PRORP: variants seen among roughly 807,000 people sequenced by gnomAD.
PRORP encodes the protein mitochondrial ribonuclease P catalytic subunit.
In PRORP, 51 loss-of-function variants were observed where a neutral mutation model predicts 59.4. The observed-to-expected ratio is 0.86, with a 90% confidence interval of 0.69 to 1.08. The LOEUF (loss-of-function observed/expected upper bound fraction) is 1.08, where lower values mean the gene tolerates loss of function less well. Ranked by LOEUF, PRORP falls within the 50% of genes least tolerant of loss-of-function variation. The pLI is 0.00. For missense variants in PRORP, 646 were observed against 690.3 expected, an observed-to-expected ratio of 0.94 and a Z score of 0.72; for synonymous variants, 231 against 245.6, an observed-to-expected ratio of 0.94 and a Z score of 0.55.
intron 5 of PRORP, among the ~76,000 whole-genome samples, chr14:35,223,665 T>A (rs1360536814): frequency 1.3e-5 from 2 of 152,062 alleles, no homozygotes; most frequent in African/African-American, 4.8e-5. Flanking sequence ...TTCACTGTGT[T>A]AGCCAGGATG....
chr14:35,195,491 G>T (rs1595284799), intron 5 of PRORP, among the ~76,000 whole-genome samples: 1 of 152,016 alleles, frequency 6.6e-6, no homozygotes, highest in African/African-American at 2.4e-5. Context: ...AAAAAGCCTG[G>T]AAGTAGAAAT....
upstream of PRORP, chr14:35,122,174 A>G (rs2046930510): frequency 1.8e-6 from 1 of 568,658 alleles, no homozygotes; most frequent in East Asian, 2.9e-5. Context: ...GGAAAAAACT[A>G]TGAAAGAGAT....
chr14:35,204,812 A>G (rs1186693162), intron 5 of PRORP, among the ~76,000 whole-genome samples: 3 of 152,222 alleles, frequency 2.0e-5, no homozygotes, highest in African/African-American at 7.2e-5. Flanking sequence ...TTAAGCCTTT[A>G]TGGTATTTCC....
intron 5 of PRORP, among the ~76,000 whole-genome samples, chr14:35,241,849 C>T (rs575844363): frequency 2.0e-5 from 3 of 152,256 alleles, no homozygotes; most frequent in African/African-American, 4.8e-5. Flanking sequence ...ATTCTTTAAT[C>T]TAGAAGATTA....
At chr14:35,263,095 G>A (rs1306779594) in intron 5 of PRORP, 1 of 1,196,762 alleles carries the variant, frequency 8.4e-7, no homozygotes, top group Non-Finnish European at 1.2e-6. Context: ...AGACCTATTT[G>A]TGATGTTTAA....
At chr14:35,215,659 G>A (rs1325576521) in intron 5 of PRORP, among the ~76,000 whole-genome samples, 1 of 152,224 alleles carries the variant, frequency 6.6e-6, no homozygotes, top group East Asian at 1.9e-4. Flanking sequence ...TGGCTTGGAG[G>A]CGGAAGGATT....
intron 4 of PRORP, among the ~76,000 whole-genome samples, chr14:35,172,140 C>T (rs532929596): frequency 6.6e-6 from 1 of 151,690 alleles, no homozygotes; most frequent in South Asian, 2.1e-4. Context: ...CCTTCGCCTC[C>T]CAGGTTCAAG....
At chr14:35,238,002 A>G (rs1222375982) in intron 5 of PRORP, among the ~76,000 whole-genome samples, 1 of 152,082 alleles carries the variant, frequency 6.6e-6, no homozygotes, top group Non-Finnish European at 1.5e-5. Flanking sequence ...TCAAACAAAC[A>G]AAACTCTAAA....
intron 4 of PRORP, among the ~76,000 whole-genome samples, chr14:35,157,275 A>T (rs1286399310): frequency 6.6e-6 from 1 of 151,936 alleles, no homozygotes; most frequent in Non-Finnish European, 1.5e-5. Flanking sequence ...TTCAAAATAT[A>T]CTTAGGAGCC....
At chr14:35,218,460 AAAAAAAG>A (rs2049668134) in intron 5 of PRORP, among the ~76,000 whole-genome samples, 1 of 21,664 alleles carries the variant, frequency 4.6e-5, no homozygotes, top group African/African-American at 1.6e-4. Flanking sequence ...GATCCTGTCT[AAAAAAAG>A]AAAAAAAAAA....
intron 5 of PRORP, among the ~76,000 whole-genome samples, chr14:35,218,397 G>T (rs539805324): frequency 7.2e-6 from 1 of 138,572 alleles, no homozygotes; most frequent in South Asian, 2.4e-4. Context: ...GGAGGTCAAG[G>T]CTGCAGTAAG....
chr14:35,200,610 C>T (rs1414728703), intron 5 of PRORP, among the ~76,000 whole-genome samples: 1 of 151,492 alleles, frequency 6.6e-6, no homozygotes, highest in Non-Finnish European at 1.5e-5. Context: ...AATAATTCTT[C>T]AGGAATAATT....
chr14:35,250,093 C>T (rs1467468183), intron 5 of PRORP, among the ~76,000 whole-genome samples: 1 of 151,850 alleles, frequency 6.6e-6, no homozygotes, highest in Non-Finnish European at 1.5e-5. Context: ...ATAAAAAATA[C>T]AAAAAATAGC....
At chr14:35,256,484 A>T (rs1341638884) in intron 5 of PRORP, among the ~76,000 whole-genome samples, 1 of 150,778 alleles carries the variant, frequency 6.6e-6, no homozygotes, top group Non-Finnish European at 1.5e-5. Context: ...GGCGCCTGCC[A>T]CCACGCCCAA....
In PRORP at chr14:35,270,427, A is replaced by G. The variant is rs890706900; in HGVS notation, c.1451A>G (p.Tyr484Cys). 1.7e-5 allele frequency: 27 copies of G among 1,613,914 alleles called. No individual in the cohort carries two copies. The highest frequency in any genetic ancestry group is 2.1e-5 in the Non-Finnish European group (25 of 1,180,026). ...TCGGAGGATGATCCATTCCTTCTGTATGCCACACTGCACTCCGGGAATCAC... is the reference window on the plus strand; with the variant it reads ...TCGGAGGATGATCCATTCCTTCTGTGTGCCACACTGCACTCCGGGAATCAC... The part of the protein sequence containing the change: ...DISEDDPFLL[Y>C]ATLHSGNHCR... Residue 484 changes from tyrosine (Y) to cysteine (C), a missense_variant, in exon 7 of 8, where the codon TAT becomes TGT. Tyr to Cys is a radical substitution (Grantham distance 194). Transcript: ENST00000534898.
chr14:35,131,192 C>T (rs1263881467), intron 4 of PRORP, among the ~76,000 whole-genome samples: 4 of 152,038 alleles, frequency 2.6e-5, no homozygotes, highest in Admixed American at 2.0e-4. Context: ...ATCCACCCAC[C>T]TCGGCCTCCC....
At chr14:35,122,154 G>A, upstream of PRORP, 1 of 581,890 alleles carries the variant, frequency 1.7e-6, no homozygotes, top group Non-Finnish European at 3.1e-6. Flanking sequence ...CCGCTACCAC[G>A]CTGACTGGGG....
intron 4 of PRORP, among the ~76,000 whole-genome samples, chr14:35,136,543 T>C (rs1333454543): frequency 6.9e-6 from 1 of 144,582 alleles, no homozygotes; most frequent in African/African-American, 2.4e-5. Context: ...CCCGGCTAAT[T>C]TTGTATTTTT....
rs2046986133 is a variant in PRORP at position 35,123,279 on chromosome 14, C to G, written c.34C>G (p.Pro12Ala). 6 of 1,612,518 alleles carry G rather than the reference C, an allele frequency of 3.7e-6. No homozygotes were observed. The East Asian group carries it at 1.3e-4, about 36-fold the overall frequency. The change falls in exon 2 of 8, where the codon CCG becomes GCG. Residue 12 changes from proline to alanine, a missense_variant. Pro to Ala is a conservative substitution (Grantham distance 27, BLOSUM62 -1). Transcript: ENST00000534898. ...TFYLFGIRSF[P>A]KLWKSPYLGL... ...CTATTTGTTTGGTATTCGAAGCTTT[C>G]CGAAGCTTTGGAAGAGCCCATACCT... is the stretch of plus-strand genomic sequence containing the variant.
Sources: allele counts gnomAD v4.1 joint callset (sites outside exome capture counted in the v4.1 genomes callset), GRCh38; gene constraint gnomAD v4.1.1; transcripts MANE v1.5; gene names NCBI Gene and HGNC (gene_info 2026-07-23, HGNC 2026-07-21).